Variants in ZNF383 observed in about 807,000 individuals in gnomAD.
ZNF383 encodes the protein zinc finger protein 383.
ZNF383 carries 32 observed loss-of-function variants against 44.2 expected under a neutral mutation model. That is an observed-to-expected ratio of 0.72 (90% confidence interval 0.55 to 0.97). The LOEUF (loss-of-function observed/expected upper bound fraction) is 0.97. Among genes scored for constraint, ZNF383 ranks in the 50% least tolerant of loss-of-function variants. The pLI, the probability that ZNF383 is intolerant of heterozygous loss-of-function variation, is 0.00. For synonymous variants in ZNF383, 155 were observed against 186.2 expected, an observed-to-expected ratio of 0.83 and a Z score of 1.36; for missense variants, 487 against 562.5, an observed-to-expected ratio of 0.87 and a Z score of 1.36.
chr19:37,236,981 ACACACAC>A (rs1973840156), intron 5 of ZNF383, among the ~76,000 whole-genome samples: 2 of 151,288 alleles, frequency 1.3e-5, no homozygotes, highest in African/African-American at 4.9e-5. Context: ...ACACACACAC[ACACACAC>A]ACACACAGAG....
intron 2 of ZNF383, among the ~76,000 whole-genome samples, chr19:37,229,233 C>A (rs1973333722): frequency 6.8e-6 from 1 of 146,220 alleles, no homozygotes; most frequent in African/African-American, 2.6e-5. Flanking sequence ...CGGCTCATTG[C>A]AGTCTCCACC....
intron 3 of ZNF383, 54 bp from the exon 4 acceptor site, chr19:37,235,495 G>C (rs1048629207): frequency 6.3e-7 from 1 of 1,596,698 alleles, no homozygotes; most frequent in African/African-American, 1.3e-5. Flanking sequence ...AAGCATCGTA[G>C]TCTCTGATAC....
intron 5 of ZNF383, among the ~76,000 whole-genome samples, chr19:37,236,420 C>T (rs528887782): frequency 1.5e-4 from 22 of 151,360 alleles, no homozygotes; most frequent in Admixed American, 1.3e-3. Context: ...AAGGGTCTGG[C>T]TCTGTCACCC....
chr19:37,233,437 A>AT (rs955317790), intron 3 of ZNF383, among the ~76,000 whole-genome samples: 27 of 138,688 alleles, frequency 1.9e-4, no homozygotes, highest in East Asian at 4.2e-4. Flanking sequence ...GGCTGTTTTT[A>AT]TTTTTTTTTT....
intron 1 of ZNF383, among the ~76,000 whole-genome samples, chr19:37,222,870 A>G (rs1174156357): frequency 6.6e-6 from 1 of 152,184 alleles, no homozygotes; most frequent in Non-Finnish European, 1.5e-5. Flanking sequence ...CAGCTCTAAT[A>G]GATACTGACA....
chr19:37,231,805 C>G (rs141036440), intron 3 of ZNF383, among the ~76,000 whole-genome samples: 292 of 152,290 alleles, frequency 1.9e-3, no homozygotes, highest in African/African-American at 6.7e-3. Flanking sequence ...TTAAGACATT[C>G]TCTGGCTACC....
In ZNF383 at chr19:37,220,367, C is replaced by T. The variant is rs533365107; in HGVS notation, c.-168+2093C>T. ...CAACCTCCCGCCTCCCGAGTTCAAGCAATTCTCCCGCTCCAGCCTCCTGAG... is the reference window on the plus strand; with the variant it reads ...CAACCTCCCGCCTCCCGAGTTCAAGTAATTCTCCCGCTCCAGCCTCCTGAG... On this transcript the variant is annotated intron_variant, in intron 1 of 5. Transcript: ENST00000684119. Among the ~76,000 whole-genome samples, 52 of 152,258 alleles carry T rather than the reference C, an allele frequency of 3.4e-4. 1 individual carries two copies. Among genetic ancestry groups the T allele is most frequent in the Non-Finnish European group, 6.8e-4 (46 of 68,018 alleles).
intron 5 of ZNF383, among the ~76,000 whole-genome samples, chr19:37,242,041 GTATAGATACTATATATACTA>G (rs1974116771): frequency 1.1e-3 from 1 of 920 alleles, no homozygotes. Context: ...ACTATATATA[GTATAGATACTATATATACTA>G]TATAGATACT....
At chr19:37,226,004 T>C (rs921938576) in intron 2 of ZNF383, among the ~76,000 whole-genome samples, 4 of 151,496 alleles carry the variant, frequency 2.6e-5, no homozygotes, top group African/African-American at 9.7e-5. Flanking sequence ...TTTCACCATG[T>C]TGCCCAGGAT....
chr19:37,233,588 A>G (rs765736689), intron 3 of ZNF383, among the ~76,000 whole-genome samples: 1 of 148,926 alleles, frequency 6.7e-6, no homozygotes, highest in African/African-American at 2.5e-5. Flanking sequence ...CACCACCACA[A>G]CTGGCTAATT....
chr19:37,237,211 A>G (rs1439898780), intron 5 of ZNF383, among the ~76,000 whole-genome samples: 2 of 152,206 alleles, frequency 1.3e-5, no homozygotes, highest in Admixed American at 1.3e-4. Flanking sequence ...ATATACATAT[A>G]TGACTTCCAC....
chr19:37,229,632 G>GTGTA (rs1397864772), intron 2 of ZNF383, among the ~76,000 whole-genome samples: 152 of 140,662 alleles, frequency 1.1e-3, no homozygotes, highest in Non-Finnish European at 9.3e-4. Flanking sequence ...GTGTGTGTGT[G>GTGTA]TATATATATA....
intron 1 of ZNF383, among the ~76,000 whole-genome samples, chr19:37,223,767 C>G (rs927826751): frequency 6.6e-6 from 1 of 152,110 alleles, no homozygotes. Context: ...GGCGCAGTGG[C>G]TCACACCTGT....
chr19:37,229,642 A>G (rs1973363397), intron 2 of ZNF383, among the ~76,000 whole-genome samples: 1 of 145,336 alleles, frequency 6.9e-6, no homozygotes. Flanking sequence ...GTATATATAT[A>G]TATATGTATA....
Position 37,243,795 on chromosome 19 carries a change from T to A in ZNF383, c.*131T>A, listed in dbSNP as rs1267195558. 1.6e-6 allele frequency: 1 copy of A among 626,850 alleles called. No homozygotes were observed. Among genetic ancestry groups the A allele is most frequent in the Non-Finnish European group, 2.5e-6 (1 of 395,494 alleles). The allele number at this position is 626,850 out of a possible 1,614,324, so 38.8% of individuals were successfully genotyped here. A position where few individuals can be genotyped will look rare whatever the true frequency, so the allele number is the denominator to read the frequency against. On this transcript the variant is annotated 3_prime_UTR_variant, in exon 6 of 6. Coordinates refer to ENST00000684119, the MANE Select transcript of ZNF383 (RefSeq NM_001387601.1). Reference sequence around the variant, plus strand: ...TATCCAAATGTATTTCATTCCAGGTTATAAATTCGGAGTCTAAAGTGACAT... The same window carrying A: ...TATCCAAATGTATTTCATTCCAGGTAATAAATTCGGAGTCTAAAGTGACAT...
chr19:37,239,012 C>T (rs1240352782), intron 5 of ZNF383, among the ~76,000 whole-genome samples: 1 of 152,154 alleles, frequency 6.6e-6, no homozygotes, highest in Non-Finnish European at 1.5e-5. Flanking sequence ...CTCCACCCCG[C>T]AGGTTCAAGC....
At position 37,248,681 on chromosome 19, in the gene ZNF383, T is replaced by C. The variant is rs1160463080; in HGVS notation, c.*5017T>C. 1 of 152,244 alleles carries C rather than the reference T, an allele frequency of 6.6e-6. No homozygotes were observed. The highest frequency in any genetic ancestry group is 2.4e-5 in the African/African-American group (1 of 41,464). The allele number at this position is 152,244 out of a possible 1,614,324, so 9.4% of individuals were successfully genotyped here. ...CAACATCTTCTAGATGAACCCTTTT[T>C]TCTAGCAGTATTTGACAGGATGGGA... is the stretch of plus-strand genomic sequence containing the variant. On this transcript the variant is annotated 3_prime_UTR_variant, in exon 6 of 6. Transcript: ENST00000684119.
At chr19:37,235,933 C>T (rs1228433983) in intron 4 of ZNF383, 46 bp from the exon 5 acceptor site, 3 of 1,531,994 alleles carry the variant, frequency 2.0e-6, no homozygotes, top group East Asian at 2.3e-5. Context: ...ACTGGATCTC[C>T]TTTACCCCCA....
intron 1 of ZNF383, among the ~76,000 whole-genome samples, chr19:37,221,824 C>T (rs969860865): frequency 2.7e-5 from 4 of 150,666 alleles, no homozygotes; most frequent in Non-Finnish European, 5.9e-5. Context: ...GGCATGGTGG[C>T]GGCCGCCTAT....
Sources: gnomAD v4.1 joint callset for allele counts (sites outside exome capture counted in the v4.1 genomes callset) on GRCh38, gnomAD v4.1.1 for gene constraint, MANE v1.5 for transcripts, NCBI Gene and HGNC (gene_info 2026-07-23, HGNC 2026-07-21) for gene names.